MACF1: variants seen among roughly 807,000 people sequenced by gnomAD.
MACF1 encodes microtubule-actin cross-linking factor 1.
MACF1 carries 193 observed loss-of-function variants against 854.8 expected under a neutral mutation model. The ratio of observed to expected loss-of-function variants is 0.23; its 90% confidence interval spans 0.20 to 0.25. MACF1 has a LOEUF of 0.25. MACF1 is among the 10% of genes least tolerant of loss of function. MACF1 has a pLI of 1.00. For missense variants in MACF1, 7,722 were observed against 8,929.1 expected (o/e 0.86, Z 5.45); for synonymous variants, 3,185 against 3,226.7 (o/e 0.99, Z 0.44).
At chr1:39,430,193 A>G in intron 65 of MACF1, 125 bp downstream of exon 65, 2 of 1,041,714 alleles carry the variant, frequency 1.9e-6, no homozygotes, top group Non-Finnish European at 1.4e-6. Flanking sequence ...TTACTCATGG[A>G]CAGTAAGATT....
intron 6 of MACF1, chr1:39,268,580 G>A: frequency 8.5e-7 from 1 of 1,181,412 alleles, no homozygotes; most frequent in Non-Finnish European, 1.1e-6. Context: ...TGGAGGGATT[G>A]CCGGCATAGT....
Position 39,124,384 on chromosome 1 carries a change from ACT to A in MACF1, c.220+39951_220+39952del, listed in dbSNP as rs151097927. Among the ~76,000 whole-genome samples the A allele has an allele frequency of 8.1e-3, 1,226 of 151,706 alleles. 16 individuals carry two copies. The highest frequency in any genetic ancestry group is 0.027 in the African/African-American group (1,126 of 41,362). ...AGTTTCTCATATGTGTAATAGGGGA[ACT>A]CTCTATTTCATAGGGTTGTGGGGGA... is the stretch of plus-strand genomic sequence containing the variant. On this transcript the variant is annotated intron_variant, in intron 2 of 93. Coordinates refer to the MACF1 transcript ENST00000361689.
intron 58 of MACF1, among the ~76,000 whole-genome samples, chr1:39,408,654 C>T (rs1176230568): frequency 7.0e-6 from 1 of 143,262 alleles, no homozygotes; most frequent in Non-Finnish European, 1.5e-5. Flanking sequence ...CGGGAGGGGC[C>T]GGGCCAGCGG....
At position 39,358,878 on chromosome 1, in the gene MACF1, G is replaced by A; in HGVS notation, c.12120+5G>A. On this transcript the variant is annotated splice_donor_5th_base_variant and intron_variant, in intron 46 of 100. Coordinates refer to ENST00000564288, the MANE Select transcript of MACF1 (RefSeq NM_001394062.1). Reference sequence around the variant, plus strand: ...GAGCAGCTTGCAACAACAAAGGTAAGTCAGGACACAGGCTGTGTTGTGGTG... The same window carrying A: ...GAGCAGCTTGCAACAACAAAGGTAAATCAGGACACAGGCTGTGTTGTGGTG... The A allele has an allele frequency of 6.2e-7, 1 of 1,605,084 alleles. No individual in the cohort carries two copies.
chr1:39,287,594 A>G (rs757302848), intron 15 of MACF1, 32 bp downstream of exon 15: 12 of 1,608,140 alleles, frequency 7.5e-6, no homozygotes, highest in Non-Finnish European at 1.0e-5. Context: ...TATGCAGTAC[A>G]CTGATGTTTA....
At chr1:39,481,487 G>C (rs576579273) in intron 99 of MACF1, among the ~76,000 whole-genome samples, 5 of 152,170 alleles carry the variant, frequency 3.3e-5, no homozygotes, top group Admixed American at 3.3e-4. Flanking sequence ...CAGGGTGGTT[G>C]GTATTGCCAC....
At chr1:39,391,337 A>G (rs1480810941) in intron 58 of MACF1, among the ~76,000 whole-genome samples, 1 of 152,166 alleles carries the variant, frequency 6.6e-6, no homozygotes, top group Admixed American at 6.5e-5. Flanking sequence ...TTCCCAAATT[A>G]CTGTGCACTT....
Position 39,102,192 on chromosome 1 carries a change from A to AG in MACF1, c.220+17754_220+17755insG, listed in dbSNP as rs1557453754. Among the ~76,000 whole-genome samples the AG allele has an allele frequency of 2.3e-4, 5 of 21,544 alleles. No homozygotes were observed. In the East Asian group the frequency reaches 3.3e-3, roughly 14 times the overall value. The allele number at this position is 21,544 out of a possible 152,430, so 14.1% of individuals were successfully genotyped here. ...TCCGTCAAAAAAAAAGAAGAAAAAG[A>AG]AAGAGAGAGAGAGAGAGAGAAAGAG... On this transcript the variant is annotated intron_variant, in intron 2 of 93. Transcript: ENST00000361689.
chr1:39,422,479 G>A lies in MACF1; in HGVS notation c.15922G>A (p.Gly5308Ser). 1 of 1,614,024 alleles carries A rather than the reference G, an allele frequency of 6.2e-7. No homozygotes were observed. The highest frequency in any genetic ancestry group is 8.5e-7 in the Non-Finnish European group (1 of 1,179,976). The change falls in exon 59 of 101, where the codon GGT becomes AGT. Residue 5308 changes from glycine (G) to serine (S), a missense_variant. By Grantham distance (56) the Gly-to-Ser change is moderately conservative. Transcript: ENST00000564288. ...TGCAGGAAAAGACTGTGATGTACAGGGTTTAGAACATGACATGGAAGAGAT... is the reference window on the plus strand; with the variant it reads ...TGCAGGAAAAGACTGTGATGTACAGAGTTTAGAACATGACATGGAAGAGAT... ...QSAGKDCDVQGLEHDMEEINA... is the reference protein window; with the variant it reads ...QSAGKDCDVQSLEHDMEEINA...
intron 70 of MACF1, among the ~76,000 whole-genome samples, chr1:39,436,654 G>A (rs1643984159): frequency 6.6e-6 from 1 of 152,146 alleles, no homozygotes; most frequent in South Asian, 2.1e-4. Flanking sequence ...AGAGAGTGAT[G>A]GGAAGTGATG....
chr1:39,178,181 C>CTTTTT (rs67390335), intron 2 of MACF1, among the ~76,000 whole-genome samples: 5 of 137,616 alleles, frequency 3.6e-5, no homozygotes, highest in African/African-American at 1.3e-4. Flanking sequence ...TTTCAACATT[C>CTTTTT]TTTTTTTTTT....
At chr1:39,262,385 G>A (rs1343877097) in intron 6 of MACF1, among the ~76,000 whole-genome samples, 2 of 102,556 alleles carry the variant, frequency 2.0e-5, no homozygotes, top group South Asian at 3.8e-4. Flanking sequence ...TGGGCTACAC[G>A]AGACTCCATC....
chr1:39,164,328 T>G (rs1308459358), intron 2 of MACF1, among the ~76,000 whole-genome samples: 1 of 152,250 alleles, frequency 6.6e-6, no homozygotes, highest in Non-Finnish European at 1.5e-5. Context: ...TAAAGGCTAC[T>G]GAGGGTAACA....
At chr1:39,232,720 CAG>C (rs1644791810) in intron 2 of MACF1, among the ~76,000 whole-genome samples, 1 of 149,112 alleles carries the variant, frequency 6.7e-6, no homozygotes, top group Admixed American at 6.7e-5. Flanking sequence ...AAACAGTTAT[CAG>C]AAAACTACTC....
chr1:39,254,435 C>A, intron 5 of MACF1, 60 bp downstream of exon 5: 1 of 1,497,274 alleles, frequency 6.7e-7, no homozygotes, highest in Non-Finnish European at 9.3e-7. Flanking sequence ...GGGCCCTATT[C>A]AGAGATGTTT....
chr1:39,330,343 C>A (rs1467737246), intron 36 of MACF1, among the ~76,000 whole-genome samples: 2 of 152,142 alleles, frequency 1.3e-5, no homozygotes, highest in Admixed American at 1.3e-4. Flanking sequence ...ATACACAGGC[C>A]TGTTTACTGG....
chr1:39,322,729 G>A lies in MACF1; in HGVS notation c.4137+14G>A, dbSNP rs757297800. The A allele has an allele frequency of 6.2e-7, 1 of 1,611,206 alleles. No homozygotes were observed. The highest frequency in any genetic ancestry group is 1.1e-5 in the South Asian group (1 of 91,020). On this transcript the variant is annotated intron_variant, in intron 32 of 100. Transcript: ENST00000564288. ...ATCACTCAAGAGGTGAGAGGGTGGGGGAAGGAAATACACCACTGTCTTCCC... is the reference window on the plus strand; with the variant it reads ...ATCACTCAAGAGGTGAGAGGGTGGGAGAAGGAAATACACCACTGTCTTCCC...
chr1:39,391,973 G>A (rs1451528144), intron 58 of MACF1, among the ~76,000 whole-genome samples: 1 of 152,206 alleles, frequency 6.6e-6, no homozygotes, highest in African/African-American at 2.4e-5. Context: ...TGGAAGAAGA[G>A]TGGGAGAAGG....
chr1:39,257,255 A>G (rs1040380656), intron 5 of MACF1, among the ~76,000 whole-genome samples: 3 of 152,250 alleles, frequency 2.0e-5, no homozygotes, highest in Admixed American at 6.5e-5. Context: ...GATTCATGCA[A>G]CAGCTTGGAT....
Sources: allele counts gnomAD v4.1 joint callset (sites outside exome capture counted in the v4.1 genomes callset), GRCh38; gene constraint gnomAD v4.1.1; transcripts MANE v1.5; gene names NCBI Gene and HGNC (gene_info 2026-07-23, HGNC 2026-07-21).